The following PCDH11X variants were observed in gnomAD, a reference collection of about 807,000 sequenced individuals.
PCDH11X encodes protocadherin 11 X-linked.
In PCDH11X, 18 loss-of-function variants were observed where a neutral mutation model predicts 53.3. That is an observed-to-expected ratio of 0.34 (90% CI 0.23 to 0.50). PCDH11X has a LOEUF of 0.50. PCDH11X is among the 20% of genes least tolerant of loss of function. The probability of loss-of-function intolerance (pLI) is 0.98; values close to 1 mark genes in which losing one functional copy is unlikely to be tolerated. For missense variants in PCDH11X, 570 were observed against 1,032.4 expected, an observed-to-expected ratio of 0.55 and a Z score of 6.14; for synonymous variants, 279 against 393.3, an observed-to-expected ratio of 0.71 and a Z score of 3.44.
At chrX:92,611,140 C>T (rs2750715) in intron 10 of PCDH11X, among the ~76,000 whole-genome samples, 2 of 108,250 alleles carry the variant, frequency 1.8e-5, no homozygotes, top group African/African-American at 3.3e-5. Flanking sequence ...TCTGGAAAAA[C>T]GACTTTGGTA....
chrX:92,363,203 T>C (rs1487053921), intron 8 of PCDH11X, among the ~76,000 whole-genome samples: 1 of 111,228 alleles, frequency 9.0e-6, no homozygotes, highest in African/African-American at 3.3e-5. Flanking sequence ...CTTTTAGATT[T>C]TGATAGATAT....
chrX:91,863,990 T>C (rs1938829820), intron 5 of PCDH11X, among the ~76,000 whole-genome samples: 1 of 112,008 alleles, frequency 8.9e-6, no homozygotes, highest in Admixed American at 9.5e-5. Context: ...ATTGGTTCAT[T>C]GTTTATTCTT....
At position 92,530,971 on chromosome X, in the gene PCDH11X, T is replaced by C. The variant is rs751452741; in HGVS notation, c.3367+62649T>C. On this transcript the variant is annotated intron_variant, in intron 10 of 10. Transcript: ENST00000682573. ...TCTTAATCCTCATGTTAATGCATTA[T>C]TTTCAAAAATTACAATTTTTATATT... Among the ~76,000 whole-genome samples the C allele has an allele frequency of 3.7e-5, 4 of 109,470 alleles. No individual in the cohort carries two copies. In the East Asian group the frequency reaches 1.1e-3, roughly 31 times the overall value.
chrX:92,513,528 T>C (rs1344061702), intron 10 of PCDH11X, among the ~76,000 whole-genome samples: 3 of 107,531 alleles, frequency 2.8e-5, no homozygotes, highest in Non-Finnish European at 5.8e-5. Context: ...TGAGGTTTTC[T>C]ATTGGCTATA....
chrX:92,137,084 C>A (rs2148208819), intron 6 of PCDH11X, among the ~76,000 whole-genome samples: 1 of 107,648 alleles, frequency 9.3e-6, no homozygotes, highest in South Asian at 4.2e-4. Context: ...GCCTCAAACT[C>A]CTGGCCTTGA....
chrX:92,274,747 C>A (rs755101558), intron 8 of PCDH11X, among the ~76,000 whole-genome samples: 1 of 110,687 alleles, frequency 9.0e-6, no homozygotes, highest in African/African-American at 3.3e-5. Context: ...TTCTGAGAGG[C>A]GGGCTAGTGG....
chrX:91,892,552 C>A (rs1485522652), intron 6 of PCDH11X, among the ~76,000 whole-genome samples: 3 of 111,114 alleles, frequency 2.7e-5, no homozygotes, highest in Non-Finnish European at 3.8e-5. Context: ...CTGATCATGG[C>A]ATGCACTTTG....
intron 6 of PCDH11X, among the ~76,000 whole-genome samples, chrX:92,159,520 T>A (rs2148255537): frequency 9.3e-6 from 1 of 108,049 alleles, no homozygotes; most frequent in Non-Finnish European, 1.9e-5. Context: ...CTCAGGAGAA[T>A]AAAAAACACA....
intron 1 of PCDH11X, among the ~76,000 whole-genome samples, chrX:91,804,342 C>T (rs1316076483): frequency 2.8e-5 from 3 of 105,403 alleles, no homozygotes; most frequent in South Asian, 4.3e-4. Flanking sequence ...TTTAATTAAC[C>T]GGAGAGGAAG....
chrX:92,166,183 G>GA, intron 6 of PCDH11X, among the ~76,000 whole-genome samples: 1 of 105,757 alleles, frequency 9.5e-6, no homozygotes, highest in East Asian at 3.0e-4. Flanking sequence ...CATTAAAAGA[G>GA]AAAAATATTT....
chrX:92,249,961 C>T (rs1188661621), intron 7 of PCDH11X, among the ~76,000 whole-genome samples: 1 of 110,834 alleles, frequency 9.0e-6, no homozygotes, highest in East Asian at 2.8e-4. Context: ...CGGACTTTAA[C>T]AGTGTTATAC....
chrX:92,589,394 A>T (rs1262354001), intron 10 of PCDH11X, among the ~76,000 whole-genome samples: 10 of 111,868 alleles, frequency 8.9e-5, no homozygotes, highest in African/African-American at 3.2e-4. Flanking sequence ...CAAGACATAA[A>T]CAGTACAATA....
chrX:92,363,840 G>A (rs2148542631), intron 8 of PCDH11X, among the ~76,000 whole-genome samples: 1 of 110,547 alleles, frequency 9.0e-6, no homozygotes, highest in African/African-American at 3.3e-5. Context: ...TTTGTACTTG[G>A]TTTAATGTGT....
chrX:92,019,160 A>G (rs2062843903), intron 6 of PCDH11X, among the ~76,000 whole-genome samples: 1 of 109,276 alleles, frequency 9.2e-6, no homozygotes, highest in African/African-American at 3.3e-5. Context: ...GGGCTACTTC[A>G]CACCAGGACT....
intron 9 of PCDH11X, among the ~76,000 whole-genome samples, chrX:92,417,386 G>C (rs1287678656): frequency 9.1e-6 from 1 of 109,752 alleles, no homozygotes; most frequent in Admixed American, 9.8e-5. Context: ...AACACAGTCA[G>C]TATTAGAACA....
rs1398336298 is a variant in PCDH11X, at chrX:91,968,192, T to A, written c.3033+88919T>A. On this transcript the variant is annotated intron_variant, in intron 6 of 10. Coordinates refer to ENST00000682573, the MANE Select transcript of PCDH11X (RefSeq NM_032968.5). ...AAATTTGATTACACAACATAGTAGG[T>A]TTTTTTTCTGCAGAGTGGATTTAGG... Among the ~76,000 whole-genome samples the A allele has an allele frequency of 2.7e-5, 3 of 111,805 alleles. No individual in the cohort carries two copies. The East Asian group carries it at 8.4e-4, about 31-fold the overall frequency.
At chrX:92,526,385 G>T (rs2148721331) in intron 10 of PCDH11X, among the ~76,000 whole-genome samples, 1 of 107,786 alleles carries the variant, frequency 9.3e-6, no homozygotes, top group South Asian at 4.2e-4. Context: ...CTACCCATCT[G>T]ACAAGTGATT....
chrX:92,478,307 TA>T (rs1260434711), intron 10 of PCDH11X, among the ~76,000 whole-genome samples: 4 of 110,516 alleles, frequency 3.6e-5, no homozygotes, highest in Non-Finnish European at 3.8e-5. Context: ...TTCACTAATT[TA>T]AAAAAAAACC....
chrX:91,821,044 G>C (rs1267025677), intron 4 of PCDH11X, among the ~76,000 whole-genome samples: 1 of 105,856 alleles, frequency 9.4e-6, no homozygotes, highest in Admixed American at 9.8e-5. Context: ...CTCTGTTTTG[G>C]TACCAGTACC....
Sources: allele counts gnomAD v4.1 joint callset (sites outside exome capture counted in the v4.1 genomes callset), GRCh38; gene constraint gnomAD v4.1.1; transcripts MANE v1.5; gene names NCBI Gene and HGNC (gene_info 2026-07-23, HGNC 2026-07-21).